The following NKAIN2 variants were observed in gnomAD, a reference collection of about 807,000 sequenced individuals.
NKAIN2 encodes the protein sodium/potassium-transporting ATPase subunit beta-1-interacting protein 2.
Under a neutral mutation model 32.6 loss-of-function variants are expected in NKAIN2, and 14 were observed. The ratio of observed to expected loss-of-function variants is 0.43; its 90% CI spans 0.28 to 0.67. NKAIN2 has a LOEUF of 0.67. NKAIN2 is among the 30% of genes least tolerant of loss of function. The pLI is 0.17. For synonymous variants in NKAIN2, 80 were observed against 87.2 expected (o/e 0.92, Z 0.46); for missense variants, 198 against 258.3 (o/e 0.77, Z 1.60).
intron 1 of NKAIN2, among the ~76,000 whole-genome samples, chr6:123,809,888 T>G (rs1323429923): frequency 6.6e-6 from 1 of 152,200 alleles, no homozygotes; most frequent in Non-Finnish European, 1.5e-5. Flanking sequence ...GATCACATGC[T>G]AACTTGATCC....
chr6:124,756,840 T>C (rs558021603), intron 4 of NKAIN2, among the ~76,000 whole-genome samples: 1 of 152,298 alleles, frequency 6.6e-6, no homozygotes, highest in South Asian at 2.1e-4. Flanking sequence ...CTTCATGTTA[T>C]ATATCATAGA....
intron 1 of NKAIN2, among the ~76,000 whole-genome samples, chr6:124,171,986 G>C (rs1427900949): frequency 6.6e-6 from 1 of 150,808 alleles, no homozygotes; most frequent in African/African-American, 2.4e-5. Context: ...CTAATTTTTT[G>C]TATTTTTAGT....
intron 1 of NKAIN2, among the ~76,000 whole-genome samples, chr6:124,035,189 G>C (rs1005160745): frequency 1.3e-5 from 2 of 152,042 alleles, no homozygotes; most frequent in South Asian, 4.1e-4. Flanking sequence ...GCTATAAAAT[G>C]CTTGTTCATA....
intron 1 of NKAIN2, among the ~76,000 whole-genome samples, chr6:123,893,808 T>A (rs913682460): frequency 1.3e-5 from 2 of 152,236 alleles, no homozygotes; most frequent in African/African-American, 4.8e-5. Flanking sequence ...CTGTAAGATG[T>A]CTGGCAGGGA....
At chr6:123,983,818 AGTT>A (rs1779013403) in intron 1 of NKAIN2, among the ~76,000 whole-genome samples, 1 of 151,946 alleles carries the variant, frequency 6.6e-6, no homozygotes, top group South Asian at 2.1e-4. Flanking sequence ...AATTTTATGC[AGTT>A]GTTCTTCATG....
In NKAIN2 at chr6:124,139,078, A is replaced by ATTTTTTTTT. The variant is rs1161013269; in HGVS notation, c.55-143927_55-143926insTTTTTTTTT. Among the ~76,000 whole-genome samples, 159 of 73,488 alleles carry ATTTTTTTTT rather than the reference A, an allele frequency of 2.2e-3. 1 individual carries two copies. Among genetic ancestry groups the ATTTTTTTTT allele is most frequent in the South Asian group, 4.9e-3 (10 of 2,026 alleles). 48.2% of individuals were successfully genotyped at this position (73,488 alleles called of 152,430 possible). A position where few individuals can be genotyped will look rare whatever the true frequency, so the allele number is the denominator to read the frequency against. On this transcript the variant is annotated intron_variant, in intron 1 of 6. Transcript: ENST00000368417. ...TTCCCCAAAAACTTTTTTAAATAAA[A>ATTTTTTTTT]ATTTTTTTTTTTTTTTTTTTTGAGA...
chr6:124,525,218 T>C (rs1468518843), intron 3 of NKAIN2, among the ~76,000 whole-genome samples: 1 of 152,190 alleles, frequency 6.6e-6, no homozygotes, highest in East Asian at 1.9e-4. Context: ...TGTGTCTCTC[T>C]TTGGACTTAG....
chr6:124,351,436 T>C (rs992422734), intron 2 of NKAIN2, among the ~76,000 whole-genome samples: 2 of 151,020 alleles, frequency 1.3e-5, no homozygotes, highest in Non-Finnish European at 2.9e-5. Context: ...ACCAGTGCAG[T>C]TGAGGCTGCA....
chr6:124,166,697 A>C (rs1463787554), intron 1 of NKAIN2, among the ~76,000 whole-genome samples: 5 of 152,002 alleles, frequency 3.3e-5, no homozygotes, highest in South Asian at 4.2e-4. Context: ...TTTTTGTATA[A>C]GGTGTAAGGA....
chr6:123,834,023 G>T (rs1399830196), intron 1 of NKAIN2, among the ~76,000 whole-genome samples: 4 of 152,058 alleles, frequency 2.6e-5, no homozygotes, highest in African/African-American at 9.6e-5. Context: ...ACCGCGCCTG[G>T]CCAGTATTGT....
intron 1 of NKAIN2, among the ~76,000 whole-genome samples, chr6:123,875,547 G>A (rs1444014783): frequency 6.6e-6 from 1 of 151,816 alleles, no homozygotes. Context: ...TTGTAAGGTA[G>A]GTATCGTACT....
chr6:123,946,925 C>T (rs1197371563), intron 1 of NKAIN2, among the ~76,000 whole-genome samples: 1 of 152,170 alleles, frequency 6.6e-6, no homozygotes, highest in Non-Finnish European at 1.5e-5. Flanking sequence ...TCCCTCCCTA[C>T]TGGGAAACGA....
intron 3 of NKAIN2, among the ~76,000 whole-genome samples, chr6:124,506,118 T>C (rs1778470504): frequency 6.6e-6 from 1 of 151,732 alleles, no homozygotes; most frequent in Non-Finnish European, 1.5e-5. Context: ...GAGGAGGAGC[T>C]TGCAGTGCGC....
At chr6:124,726,521 A>G (rs998392535) in intron 4 of NKAIN2, among the ~76,000 whole-genome samples, 1 of 150,982 alleles carries the variant, frequency 6.6e-6, no homozygotes, top group African/African-American at 2.4e-5. Flanking sequence ...GAAAACTAAC[A>G]AACAGAAAGG....
At chr6:124,660,415 G>A (rs1393415943) in intron 4 of NKAIN2, among the ~76,000 whole-genome samples, 1 of 152,132 alleles carries the variant, frequency 6.6e-6, no homozygotes, top group East Asian at 1.9e-4. Flanking sequence ...ATTTGGACGT[G>A]GGGGCATATG....
chr6:124,161,386 C>T (rs538910310), intron 1 of NKAIN2, among the ~76,000 whole-genome samples: 1 of 152,232 alleles, frequency 6.6e-6, no homozygotes, highest in South Asian at 2.1e-4. Flanking sequence ...TAGGCCCCAC[C>T]TCCAGCACTG....
rs1779665039 is a variant in NKAIN2 at position 124,535,032 on chromosome 6, G to A, written c.274-123154G>A. On this transcript the variant is annotated intron_variant, in intron 3 of 6. Transcript: ENST00000368417. ...TTATAATACATAATACAATGTAAAT[G>A]CTATAAAAATAATTGTCATACTATC... Among the ~76,000 whole-genome samples the A allele has an allele frequency of 1.3e-5, 2 of 152,126 alleles. 1 individual carries two copies. The highest frequency in any genetic ancestry group is 4.1e-4 in the South Asian group (2 of 4,830).
chr6:124,318,031 C>T (rs560290411), intron 2 of NKAIN2, among the ~76,000 whole-genome samples: 1 of 151,996 alleles, frequency 6.6e-6, no homozygotes, highest in Admixed American at 6.6e-5. Context: ...CCAATCATTT[C>T]TCTAATGCCA....
chr6:123,894,326 C>T (rs562705239), intron 1 of NKAIN2, among the ~76,000 whole-genome samples: 3 of 152,116 alleles, frequency 2.0e-5, no homozygotes, highest in African/African-American at 7.2e-5. Flanking sequence ...TGTTCAGATC[C>T]TAGCCTTCTG....
Sources: gnomAD v4.1 joint callset for allele counts (sites outside exome capture counted in the v4.1 genomes callset) on GRCh38, gnomAD v4.1.1 for gene constraint, MANE v1.5 for transcripts, NCBI Gene and HGNC (gene_info 2026-07-23, HGNC 2026-07-21) for gene names.